The following LCOR variants were observed in gnomAD, a reference collection of about 807,000 sequenced individuals.
LCOR encodes the protein ligand dependent nuclear receptor corepressor.
LCOR carries 14 observed loss-of-function variants against 64.4 expected under a neutral mutation model. The ratio of observed to expected loss-of-function variants is 0.22; its 90% CI spans 0.14 to 0.34. The LOEUF (loss-of-function observed/expected upper bound fraction) is 0.34, where lower values mean the gene tolerates loss of function less well. Ranked by LOEUF, LCOR falls within the 10% of genes least tolerant of loss-of-function variation. The pLI is 1.00. For missense variants in LCOR, 1,686 were observed against 1,765.3 expected (o/e 0.96, Z 0.80); for synonymous variants, 643 against 642.5 (o/e 1.00, Z -0.01).
intron 4 of LCOR, among the ~76,000 whole-genome samples, chr10:96,941,066 C>CCG (rs1183995780): frequency 1.9e-5 from 2 of 106,946 alleles, no homozygotes; most frequent in African/African-American, 8.3e-5. Context: ...TGGCCGACCC[C>CCG]CCCCCCGCCT....
rs572448420 is a variant in LCOR, at chr10:96,946,871, C to T, written c.-50-2137C>T. Among the ~76,000 whole-genome samples the T allele has an allele frequency of 5.3e-5, 8 of 152,174 alleles. No individual in the cohort carries two copies. In the East Asian group the frequency reaches 1.5e-3, roughly 29 times the overall value. ...TATTAATACTACTTAAACACAGAGGCATCGCATAAATTCATAAATTTTATT... is the reference window on the plus strand; with the variant it reads ...TATTAATACTACTTAAACACAGAGGTATCGCATAAATTCATAAATTTTATT... On this transcript the variant is annotated intron_variant, in intron 5 of 7. Transcript: ENST00000421806.
intron 4 of LCOR, among the ~76,000 whole-genome samples, chr10:96,930,450 A>T (rs1589663315): frequency 6.6e-6 from 1 of 152,234 alleles, no homozygotes; most frequent in African/African-American, 2.4e-5. Context: ...ATTGTATTGA[A>T]ACTTCGATTA....
intron 2 of LCOR, among the ~76,000 whole-genome samples, chr10:96,899,033 G>A (rs1259195940): frequency 6.6e-6 from 1 of 152,088 alleles, no homozygotes; most frequent in African/African-American, 2.4e-5. Flanking sequence ...GTGACTAACC[G>A]AGGTCTCTAT....
chr10:96,955,426 C>G, intron 7 of LCOR: 1 of 1,614,188 alleles, frequency 6.2e-7, no homozygotes, highest in Non-Finnish European at 8.5e-7. Flanking sequence ...GAGTCTCGCA[C>G]TGGTGATCAG....
chr10:96,984,048 AGTC>A lies in LCOR; in HGVS notation c.3589_3591del (p.Val1197del). ...TAGAGACAACTGAAACCCGGTCTCT[AGTC>A]ATTGTGAAGAAGCTCAATACTCGCC... On this transcript the variant is annotated inframe_deletion, in exon 8 of 8. Transcript: ENST00000421806. 1 of 1,614,024 alleles carries A rather than the reference AGTC, an allele frequency of 6.2e-7. No individual in the cohort carries two copies. The highest frequency in any genetic ancestry group is 2.2e-5 in the East Asian group (1 of 44,888).
intron 4 of LCOR, among the ~76,000 whole-genome samples, chr10:96,913,955 A>C (rs1409004881): frequency 2.6e-5 from 4 of 152,166 alleles, no homozygotes; most frequent in Non-Finnish European, 4.4e-5. Context: ...AGAATATATA[A>C]GTCTGGATGA....
At chr10:96,965,217 G>T (rs1847936566) in intron 7 of LCOR, among the ~76,000 whole-genome samples, 1 of 151,214 alleles carries the variant, frequency 6.6e-6, no homozygotes, top group Non-Finnish European at 1.5e-5. Flanking sequence ...CACAATGTTA[G>T]CCAGGATGGT....
In LCOR at chr10:96,992,370, G is replaced by A. The variant is rs1219999791; in HGVS notation, c.*7236G>A. The A allele has an allele frequency of 6.6e-6, 1 of 152,176 alleles. No individual in the cohort carries two copies. 9.4% of individuals were successfully genotyped at this position (152,176 alleles called of 1,614,324 possible). The stretch of plus-strand genomic sequence containing the variant: ...AACTGTCAAAAGGGCTTTCCAAAAA[G>A]TGTTCTTTCTAGCCACCCATCCTCC... On this transcript the variant is annotated 3_prime_UTR_variant, in exon 8 of 8. Transcript: ENST00000421806.
chr10:96,849,352 C>G (rs540956806), intron 2 of LCOR, among the ~76,000 whole-genome samples: 4 of 151,946 alleles, frequency 2.6e-5, no homozygotes, highest in African/African-American at 9.7e-5. Context: ...GGATTACAGG[C>G]GTGAGCCACT....
At chr10:96,895,251 T>C (rs1846517155) in intron 2 of LCOR, among the ~76,000 whole-genome samples, 1 of 152,196 alleles carries the variant, frequency 6.6e-6, no homozygotes, top group Non-Finnish European at 1.5e-5. Flanking sequence ...GCCAAACATT[T>C]ACCCTCCAGT....
intron 4 of LCOR, among the ~76,000 whole-genome samples, chr10:96,929,545 A>T (rs1847222193): frequency 6.6e-6 from 1 of 152,210 alleles, no homozygotes; most frequent in African/African-American, 2.4e-5. Context: ...GGCTGGTTTG[A>T]TCTTCTATCC....
At chr10:96,885,553 ATTTTTT>A (rs144687202) in intron 2 of LCOR, among the ~76,000 whole-genome samples, 2 of 117,786 alleles carry the variant, frequency 1.7e-5, no homozygotes, top group Admixed American at 8.8e-5. Flanking sequence ...GGCTAATTGA[ATTTTTT>A]TTTTTTTTTT....
intron 2 of LCOR, among the ~76,000 whole-genome samples, chr10:96,840,286 TAA>T (rs996380335): frequency 2.0e-5 from 3 of 152,214 alleles, no homozygotes; most frequent in African/African-American, 4.8e-5. Context: ...TACTTTTTGA[TAA>T]AGAGAGTTGT....
chr10:96,881,783 A>G (rs992269700), intron 2 of LCOR, among the ~76,000 whole-genome samples: 1 of 152,146 alleles, frequency 6.6e-6, no homozygotes, highest in Admixed American at 6.5e-5. Context: ...AATTGAGAAT[A>G]TTAGCCAATA....
intron 2 of LCOR, among the ~76,000 whole-genome samples, chr10:96,833,693 A>G (rs1845389281): frequency 6.6e-6 from 1 of 152,172 alleles, no homozygotes; most frequent in African/African-American, 2.4e-5. Context: ...CCAGGGGAAT[A>G]TTCTTGGGAA....
intron 7 of LCOR, among the ~76,000 whole-genome samples, chr10:96,965,618 C>T (rs150213037): frequency 0.011 from 1,567 of 141,364 alleles, 20 homozygotes; most frequent in African/African-American, 0.039. Flanking sequence ...GCTGAGATCG[C>T]GCCACTGCAC....
At chr10:96,853,652 CTG>C (rs1845756265) in intron 2 of LCOR, among the ~76,000 whole-genome samples, 4 of 152,172 alleles carry the variant, frequency 2.6e-5, no homozygotes, top group African/African-American at 9.7e-5. Context: ...GTTGGGATAA[CTG>C]GGGCAACTAG....
In LCOR at chr10:96,915,258, C is replaced by T. The variant is rs138818720; in HGVS notation, c.-184+7511C>T. ...TAAATAAGCCGGGCACGGAGGTGCA[C>T]GCCTGTAATCCCAGCACTTTGGGAG... is the stretch of plus-strand genomic sequence containing the variant. On this transcript the variant is annotated intron_variant, in intron 4 of 7. Coordinates refer to ENST00000421806, the MANE Select transcript of LCOR (RefSeq NM_001346516.2). 3.3e-3 allele frequency among the ~76,000 whole-genome samples: 503 copies of T among 152,282 alleles called. 3 individuals are homozygous for T. Among genetic ancestry groups the T allele is most frequent in the African/African-American group, 0.012 (482 of 41,558 alleles).
intron 2 of LCOR, among the ~76,000 whole-genome samples, chr10:96,897,963 GA>G (rs1296236331): frequency 1.4e-5 from 2 of 147,884 alleles, no homozygotes; most frequent in Non-Finnish European, 3.0e-5. Context: ...ACATAAAACA[GA>G]GTCCTTGTAA....
Sources: allele counts gnomAD v4.1 joint callset (sites outside exome capture counted in the v4.1 genomes callset), GRCh38; gene constraint gnomAD v4.1.1; transcripts MANE v1.5; gene names NCBI Gene and HGNC (gene_info 2026-07-23, HGNC 2026-07-21).